The following ST6GALNAC3 variants were observed in gnomAD, a reference collection of about 807,000 sequenced individuals.
ST6GALNAC3 encodes ST6 N-acetylgalactosaminide alpha-2,6-sialyltransferase 3.
In ST6GALNAC3, 25 loss-of-function variants were observed where a neutral mutation model predicts 32.7. That is an observed-to-expected ratio of 0.76 (90% CI 0.56 to 1.07). The LOEUF (loss-of-function observed/expected upper bound fraction) is 1.07, where lower values mean the gene tolerates loss of function less well. ST6GALNAC3 is among the 50% of genes least tolerant of loss of function. The pLI is 0.00. For synonymous variants in ST6GALNAC3, 129 were observed against 133.1 expected (o/e 0.97, Z 0.21); for missense variants, 355 against 382.4 (o/e 0.93, Z 0.60).
chr1:76,521,203 T>C (rs1412761332), intron 3 of ST6GALNAC3, among the ~76,000 whole-genome samples: 1 of 152,066 alleles, frequency 6.6e-6, no homozygotes, highest in Non-Finnish European at 1.5e-5. Context: ...CCTTTGGTAT[T>C]ATTGTCATGT....
intron 1 of ST6GALNAC3, among the ~76,000 whole-genome samples, chr1:76,246,252 C>T (rs1657250415): frequency 6.6e-6 from 1 of 151,948 alleles, no homozygotes; most frequent in African/African-American, 2.4e-5. Flanking sequence ...TTGGGCTTTC[C>T]ATTTGCTTGG....
intron 3 of ST6GALNAC3, among the ~76,000 whole-genome samples, chr1:76,612,371 G>C (rs896766819): frequency 6.6e-6 from 1 of 152,192 alleles, no homozygotes; most frequent in Non-Finnish European, 1.5e-5. Flanking sequence ...CAAAGAAACA[G>C]ATGCAAAAGA....
At chr1:76,413,375 C>T (rs539659209) in intron 3 of ST6GALNAC3, among the ~76,000 whole-genome samples, 3 of 152,110 alleles carry the variant, frequency 2.0e-5, no homozygotes, top group Non-Finnish European at 2.9e-5. Flanking sequence ...TGTGCAATAT[C>T]ATGGATAAAT....
At chr1:76,254,879 G>A (rs551269) in intron 1 of ST6GALNAC3, among the ~76,000 whole-genome samples, 32,228 of 151,928 alleles carry the variant, frequency 0.21, 3,665 homozygotes, top group African/African-American at 0.25. Context: ...GGCAACTTGA[G>A]CAGGAACAAT....
Position 76,629,444 on chromosome 1 carries a change from A to T in ST6GALNAC3, c.*638A>T. 1.0e-6 allele frequency: 1 copy of T among 985,690 alleles called. No homozygotes were observed. The highest frequency in any genetic ancestry group is 1.2e-6 in the Non-Finnish European group (1 of 829,846). The allele number at this position is 985,690 out of a possible 1,614,324, so 61.1% of individuals were successfully genotyped here. Reference sequence around the variant, plus strand: ...CTTCAGGATTACTTGACTATCTCAAACACATAAATCAAAATGGGCCAAGTA... The same window carrying T: ...CTTCAGGATTACTTGACTATCTCAATCACATAAATCAAAATGGGCCAAGTA... On this transcript the variant is annotated 3_prime_UTR_variant, in exon 5 of 5. Transcript: ENST00000328299.
At chr1:76,237,333 T>C (rs1227221113) in intron 1 of ST6GALNAC3, among the ~76,000 whole-genome samples, 1 of 152,136 alleles carries the variant, frequency 6.6e-6, no homozygotes, top group Non-Finnish European at 1.5e-5. Context: ...AGTGTTTCAC[T>C]GGGTTGGCCA....
intron 3 of ST6GALNAC3, among the ~76,000 whole-genome samples, chr1:76,432,752 C>T (rs556547118): frequency 3.3e-5 from 5 of 152,082 alleles, no homozygotes; most frequent in Non-Finnish European, 7.4e-5. Flanking sequence ...CCACCATGCC[C>T]AGCCTACTTT....
intron 3 of ST6GALNAC3, among the ~76,000 whole-genome samples, chr1:76,577,905 T>G (rs1646835602): frequency 6.6e-6 from 1 of 152,076 alleles, no homozygotes; most frequent in Non-Finnish European, 1.5e-5. Flanking sequence ...ACAGACTAAT[T>G]AAGTAGACGG....
chr1:76,153,127 A>G (rs551006818), intron 1 of ST6GALNAC3, among the ~76,000 whole-genome samples: 1 of 152,290 alleles, frequency 6.6e-6, no homozygotes, highest in South Asian at 2.1e-4. Context: ...TCAGATATTC[A>G]GTAATGGATA....
intron 1 of ST6GALNAC3, among the ~76,000 whole-genome samples, chr1:76,263,743 G>C (rs1658374348): frequency 6.6e-6 from 1 of 152,294 alleles, no homozygotes; most frequent in East Asian, 1.9e-4. Flanking sequence ...GTTCCTCCCT[G>C]GCAGTCGCCA....
chr1:76,423,921 CA>C (rs1448045210), intron 3 of ST6GALNAC3, among the ~76,000 whole-genome samples: 1 of 151,738 alleles, frequency 6.6e-6, no homozygotes, highest in African/African-American at 2.4e-5. Flanking sequence ...GATTTTTGAC[CA>C]TTAAATCTTT....
At chr1:76,212,522 G>T (rs1244889003) in intron 1 of ST6GALNAC3, among the ~76,000 whole-genome samples, 1 of 152,092 alleles carries the variant, frequency 6.6e-6, no homozygotes, top group Non-Finnish European at 1.5e-5. Context: ...TCAGTTGTTG[G>T]ATCCTGAAGA....
intron 3 of ST6GALNAC3, among the ~76,000 whole-genome samples, chr1:76,619,698 A>G (rs1188941020): frequency 1.3e-5 from 2 of 152,282 alleles, no homozygotes; most frequent in African/African-American, 4.8e-5. Context: ...GGTGCTATTT[A>G]TGCATCCTGT....
At chr1:76,364,118 C>T (rs898898832) in intron 2 of ST6GALNAC3, among the ~76,000 whole-genome samples, 3 of 152,076 alleles carry the variant, frequency 2.0e-5, no homozygotes, top group Admixed American at 1.3e-4. Context: ...GTACAAGGAA[C>T]GTATAAAACT....
intron 2 of ST6GALNAC3, among the ~76,000 whole-genome samples, chr1:76,368,490 A>C (rs1176026520): frequency 6.6e-6 from 1 of 152,124 alleles, no homozygotes; most frequent in African/African-American, 2.4e-5. Context: ...ATGGTATGCC[A>C]CTTCCTCTCC....
chr1:76,381,315 G>T (rs1311427803), intron 2 of ST6GALNAC3, among the ~76,000 whole-genome samples: 1 of 152,072 alleles, frequency 6.6e-6, no homozygotes, highest in Non-Finnish European at 1.5e-5. Flanking sequence ...CTTTGCCAGG[G>T]GCAAGTGTTG....
At position 76,395,784 on chromosome 1, in the gene ST6GALNAC3, G is replaced by A. The variant is rs370471094; in HGVS notation, c.214-16224G>A. The stretch of plus-strand genomic sequence containing the variant: ...GTGCTAAAAAGTTTATGTCATGGAA[G>A]TAGAGAATAGAATGATAGTTACCAG... On this transcript the variant is annotated intron_variant, in intron 2 of 4. Transcript: ENST00000328299. Among the ~76,000 whole-genome samples the A allele has an allele frequency of 1.8e-3, 276 of 152,304 alleles. 1 individual carries two copies. The highest frequency in any genetic ancestry group is 6.5e-3 in the African/African-American group (272 of 41,548).
At chr1:76,600,233 C>G (rs780203026) in intron 3 of ST6GALNAC3, among the ~76,000 whole-genome samples, 6 of 152,122 alleles carry the variant, frequency 3.9e-5, no homozygotes, top group Non-Finnish European at 7.4e-5. Flanking sequence ...GAAGAGGGCT[C>G]TCACCAGGAC....
chr1:76,113,991 AT>A (rs754290749), intron 1 of ST6GALNAC3, among the ~76,000 whole-genome samples: 1,507 of 125,156 alleles, frequency 0.012, 18 homozygotes, highest in African/African-American at 0.036. Context: ...CGCCCGGCTA[AT>A]TTTTTTTTTT....
Sources: gnomAD v4.1 joint callset for allele counts (sites outside exome capture counted in the v4.1 genomes callset) on GRCh38, gnomAD v4.1.1 for gene constraint, MANE v1.5 for transcripts, NCBI Gene and HGNC (gene_info 2026-07-23, HGNC 2026-07-21) for gene names.